The following FHIT variants were observed in gnomAD, a reference collection of about 807,000 sequenced individuals.
FHIT encodes fragile histidine triad diadenosine triphosphatase, also known as bis(5'-adenosyl)-triphosphatase.
Under a neutral mutation model 17.9 loss-of-function variants are expected in FHIT, and 19 were observed. The observed-to-expected ratio is 1.06, with a 90% CI of 0.74 to 1.56. FHIT has a LOEUF of 1.56. Among genes scored for constraint, FHIT ranks in the 40% most tolerant of loss-of-function variants. FHIT has a pLI of 0.00. For missense variants in FHIT, 248 were observed against 189.2 expected (o/e 1.31, Z -1.82); for synonymous variants, 81 against 69.7 (o/e 1.16, Z -0.81).
intron 5 of FHIT, among the ~76,000 whole-genome samples, chr3:60,369,804 C>G (rs1252135568): frequency 1.3e-5 from 2 of 152,240 alleles, no homozygotes; most frequent in African/African-American, 4.8e-5. Context: ...GCAGAAGGCA[C>G]CCTCTACTGT....
chr3:60,157,016 C>T (rs1700729434), intron 5 of FHIT, among the ~76,000 whole-genome samples: 1 of 151,826 alleles, frequency 6.6e-6, no homozygotes, highest in Admixed American at 6.6e-5. Flanking sequence ...ATAACTATCC[C>T]TTACTGGAAA....
intron 4 of FHIT, among the ~76,000 whole-genome samples, chr3:60,734,687 G>A (rs9866509): frequency 0.025 from 3,741 of 152,236 alleles, 174 homozygotes; most frequent in African/African-American, 0.085. Flanking sequence ...TATTTTAGAG[G>A]ATAGATAACT....
chr3:60,907,640 T>C (rs958052849), intron 3 of FHIT, among the ~76,000 whole-genome samples: 2 of 152,182 alleles, frequency 1.3e-5, no homozygotes, highest in Non-Finnish European at 2.9e-5. Flanking sequence ...GGTAATATGA[T>C]ATCTATGACT....
At chr3:60,365,146 A>G (rs1700056100) in intron 5 of FHIT, among the ~76,000 whole-genome samples, 1 of 149,148 alleles carries the variant, frequency 6.7e-6, no homozygotes, top group Middle Eastern at 3.6e-3. Context: ...TATATACAGT[A>G]TATATTATAT....
rs572809039 is a variant in FHIT at position 60,770,280 on chromosome 3, A to G, written c.-18+51639T>C. On this transcript the variant is annotated intron_variant, in intron 4 of 9. Coordinates refer to ENST00000492590, the MANE Select transcript of FHIT (RefSeq NM_002012.4). Reference sequence around the variant, plus strand: ...TGAAAGTTGAAACATGGAGAAAAAAAAAAAGGAGTATTATTGATATTTGGT... The same window carrying G: ...TGAAAGTTGAAACATGGAGAAAAAAGAAAAGGAGTATTATTGATATTTGGT... Among the ~76,000 whole-genome samples, 27 of 152,262 alleles carry G rather than the reference A, an allele frequency of 1.8e-4. No individual in the cohort carries two copies. The South Asian group carries it at 2.9e-3, about 16-fold the overall frequency.
intron 4 of FHIT, among the ~76,000 whole-genome samples, chr3:60,620,793 C>T (rs1253540218): frequency 6.6e-6 from 1 of 151,980 alleles, no homozygotes; most frequent in Non-Finnish European, 1.5e-5. Context: ...CATAACATAA[C>T]CTACAGACTT....
At chr3:60,652,349 C>T (rs1317831996) in intron 4 of FHIT, among the ~76,000 whole-genome samples, 5 of 152,084 alleles carry the variant, frequency 3.3e-5, no homozygotes, top group African/African-American at 1.2e-4. Context: ...GTCTGTAATC[C>T]CAGCACTTTG....
intron 7 of FHIT, among the ~76,000 whole-genome samples, chr3:59,983,933 G>A (rs1035615933): frequency 6.9e-6 from 1 of 145,252 alleles, no homozygotes; most frequent in Admixed American, 6.9e-5. Flanking sequence ...AAAAACAAGA[G>A]CCTCTACGTA....
At chr3:60,476,381 A>G (rs2033344958) in intron 5 of FHIT, among the ~76,000 whole-genome samples, 1 of 152,196 alleles carries the variant, frequency 6.6e-6, no homozygotes, top group Non-Finnish European at 1.5e-5. Flanking sequence ...GCAAACGTCC[A>G]GTTAAAACCA....
intron 3 of FHIT, among the ~76,000 whole-genome samples, chr3:60,927,710 GCCGCC>G (rs1277015449): frequency 5.3e-5 from 8 of 151,480 alleles, no homozygotes; most frequent in Admixed American, 2.0e-4. Flanking sequence ...CCGCCCGGCA[GCCGCC>G]CCGTCTGTGA....
chr3:60,415,429 T>C (rs1337600710), intron 5 of FHIT, among the ~76,000 whole-genome samples: 1 of 152,164 alleles, frequency 6.6e-6, no homozygotes, highest in Non-Finnish European at 1.5e-5. Context: ...TGCTAACCTT[T>C]GTGAAGCTAC....
At chr3:60,412,436 C>T in intron 5 of FHIT, among the ~76,000 whole-genome samples, 1 of 151,988 alleles carries the variant, frequency 6.6e-6, no homozygotes, top group East Asian at 1.9e-4. Flanking sequence ...CTTCTGTCTG[C>T]CAGGATTTAA....
chr3:60,352,556 C>T (rs2106949961), intron 5 of FHIT, among the ~76,000 whole-genome samples: 1 of 152,084 alleles, frequency 6.6e-6, no homozygotes, highest in East Asian at 1.9e-4. Context: ...GGCTAAAGTA[C>T]AGTGGTGCAA....
At chr3:60,607,838 G>T (rs569457247) in intron 4 of FHIT, among the ~76,000 whole-genome samples, 1 of 152,102 alleles carries the variant, frequency 6.6e-6, no homozygotes, top group East Asian at 1.9e-4. Context: ...ATATTCTTGA[G>T]AAGTAGGCCA....
intron 5 of FHIT, among the ~76,000 whole-genome samples, chr3:60,398,800 T>C (rs746265040): frequency 1.3e-5 from 2 of 152,070 alleles, no homozygotes; most frequent in Admixed American, 1.3e-4. Context: ...GAAAATAATA[T>C]ATATACCACA....
chr3:60,060,263 A>C (rs921948970), intron 5 of FHIT, among the ~76,000 whole-genome samples: 5 of 152,202 alleles, frequency 3.3e-5, no homozygotes, highest in African/African-American at 1.2e-4. Context: ...AAGAAAGAAA[A>C]TCTTTGACTC....
At chr3:60,203,318 G>C (rs1293051797) in intron 5 of FHIT, among the ~76,000 whole-genome samples, 2 of 152,124 alleles carry the variant, frequency 1.3e-5, no homozygotes, top group Non-Finnish European at 2.9e-5. Flanking sequence ...TAAAAGTTCA[G>C]GAATAGTGTA....
intron 5 of FHIT, among the ~76,000 whole-genome samples, chr3:60,024,093 T>C (rs1466664648): frequency 1.3e-5 from 2 of 151,998 alleles, no homozygotes; most frequent in Non-Finnish European, 2.9e-5. Flanking sequence ...ACATCAAAAG[T>C]AGTGCATGTG....
chr3:59,783,013 T>G lies in FHIT; in HGVS notation c.349-30692A>C, dbSNP rs181109921. On this transcript the variant is annotated intron_variant, in intron 8 of 9. Transcript: ENST00000492590. Reference sequence around the variant, plus strand: ...AAGTCACCTCAAAGTCTCTGCTATTTAGCAAATCCCTAGGTGTCTGGGGAG... The same window carrying G: ...AAGTCACCTCAAAGTCTCTGCTATTGAGCAAATCCCTAGGTGTCTGGGGAG... 9.2e-5 allele frequency among the ~76,000 whole-genome samples: 14 copies of G among 152,178 alleles called. No individual in the cohort carries two copies. In the East Asian group the frequency reaches 2.3e-3, roughly 25 times the overall value.
Sources: gnomAD v4.1 joint callset for allele counts (sites outside exome capture counted in the v4.1 genomes callset) on GRCh38, gnomAD v4.1.1 for gene constraint, MANE v1.5 for transcripts, NCBI Gene and HGNC (gene_info 2026-07-23, HGNC 2026-07-21) for gene names.